The following METTL25 variants were observed in gnomAD, a reference collection of about 807,000 sequenced individuals.
The protein encoded by METTL25 is probable methyltransferase-like protein 25.
A neutral mutation model predicts 71.6 loss-of-function variants in METTL25; 64 were observed. The ratio of observed to expected loss-of-function variants is 0.89; its 90% confidence interval spans 0.73 to 1.10. METTL25 has a LOEUF of 1.10. Ranked by LOEUF, METTL25 falls within the 50% of genes least tolerant of loss-of-function variation. METTL25 has a pLI of 0.00. For missense variants in METTL25, 807 were observed against 707.0 expected (o/e 1.14, Z -1.60); for synonymous variants, 287 against 250.3 (o/e 1.15, Z -1.38).
intron 5 of METTL25, among the ~76,000 whole-genome samples, chr12:82,405,076 T>TC (rs1425999132): frequency 6.6e-6 from 1 of 152,182 alleles, no homozygotes; most frequent in Non-Finnish European, 1.5e-5. Flanking sequence ...CCAAGGGGCC[T>TC]CCCTCTCCTC....
rs115037359 is a variant in METTL25 at position 82,470,801 on chromosome 12, G to A, written c.1573-5843G>A. 3.4e-3 allele frequency among the ~76,000 whole-genome samples: 521 copies of A among 152,234 alleles called. 3 individuals carry two copies. Among genetic ancestry groups the A allele is most frequent in the African/African-American group, 0.012 (503 of 41,536 alleles). On this transcript the variant is annotated intron_variant, in intron 9 of 11. Coordinates refer to ENST00000248306, the MANE Select transcript of METTL25 (RefSeq NM_032230.3). ...TTATTTTTCACAATTCAATTGTGAG[G>A]CTTATTGTAAAGATACCTTCAGTTA...
chr12:82,378,799 G>C (rs938539965), intron 1 of METTL25, among the ~76,000 whole-genome samples: 9 of 152,124 alleles, frequency 5.9e-5, no homozygotes, highest in African/African-American at 1.9e-4. Flanking sequence ...GGGCTGAGGT[G>C]GGGGGATTGC....
rs188778587 is a variant in METTL25, at chr12:82,466,719, G to A, written c.1572+9899G>A. Among the ~76,000 whole-genome samples the A allele has an allele frequency of 1.7e-3, 251 of 152,028 alleles. 1 individual carries two copies. Among genetic ancestry groups the A allele is most frequent in the Admixed American group, 0.014 (212 of 15,246 alleles). ...AAGTCCCCAACTATTACTGGATTGAGGTCCATCTGTCTCTTTAGATCTAAT... is the reference window on the plus strand; with the variant it reads ...AAGTCCCCAACTATTACTGGATTGAAGTCCATCTGTCTCTTTAGATCTAAT... On this transcript the variant is annotated intron_variant, in intron 9 of 11. Coordinates refer to ENST00000248306, the MANE Select transcript of METTL25 (RefSeq NM_032230.3).
chr12:82,472,740 C>T (rs1263155865), intron 9 of METTL25, among the ~76,000 whole-genome samples: 4 of 152,232 alleles, frequency 2.6e-5, no homozygotes, highest in African/African-American at 9.6e-5. Context: ...TTCTGGATTT[C>T]ATTGACTTAT....
intron 3 of METTL25, among the ~76,000 whole-genome samples, chr12:82,394,740 TAAAAC>T (rs1053652730): frequency 3.3e-5 from 5 of 151,948 alleles, no homozygotes; most frequent in African/African-American, 9.7e-5. Context: ...GATGAAAAAT[TAAAAC>T]AAAAGGGAGG....
At position 82,358,811 on chromosome 12, in the gene METTL25, A is replaced by G. The variant is rs1435734365; in HGVS notation, c.246A>G (p.Ala82=). The stretch of plus-strand genomic sequence containing the variant: ...CAGAGACGCGCCCCCTAGTGGAAGC[A>G]GAGTGGGAAGCAGGTGGGTGGTGGG... ...LPSETRPLVE[A]EWEAGMTDFP... is the part of the protein sequence containing the mutation. The change falls in exon 1 of 12, where the codon GCA becomes GCG. Residue 82 remains alanine, a synonymous_variant. Coordinates refer to ENST00000248306, the MANE Select transcript of METTL25 (RefSeq NM_032230.3). 4.4e-6 allele frequency: 7 copies of G among 1,607,810 alleles called. No homozygotes were observed. In the East Asian group the frequency reaches 8.9e-5, roughly 21 times the overall value.
At chr12:82,439,607 C>A (rs1421202079) in intron 8 of METTL25, among the ~76,000 whole-genome samples, 1 of 151,790 alleles carries the variant, frequency 6.6e-6, no homozygotes, top group Non-Finnish European at 1.5e-5. Flanking sequence ...TTACTACATA[C>A]AAGTACCTAC....
intron 9 of METTL25, among the ~76,000 whole-genome samples, chr12:82,461,022 G>A (rs908157928): frequency 6.8e-6 from 1 of 147,962 alleles, no homozygotes. Flanking sequence ...GGGCGCCTGT[G>A]GTCCCAGCTA....
chr12:82,404,035 A>T (rs1295061249), intron 5 of METTL25, among the ~76,000 whole-genome samples: 1 of 152,124 alleles, frequency 6.6e-6, no homozygotes, highest in Non-Finnish European at 1.5e-5. Flanking sequence ...CATGCCCAGG[A>T]GGTAAACATT....
chr12:82,424,335 T>G (rs7976988), intron 5 of METTL25, among the ~76,000 whole-genome samples: 139,772 of 151,710 alleles, frequency 0.92, 64,738 homozygotes, highest in East Asian at 1. Flanking sequence ...GAATTGAACA[T>G]TGAGAACACT....
chr12:82,391,643 GGTTGTTTCC>G (rs564767540), intron 3 of METTL25, among the ~76,000 whole-genome samples: 245 of 150,768 alleles, frequency 1.6e-3, no homozygotes, highest in South Asian at 9.0e-3. Context: ...TGGACACTTA[GGTTGTTTCC>G]GTATTTTGGC....
intron 8 of METTL25, 47 bp from the exon 9 acceptor site, chr12:82,456,680 A>G: frequency 9.2e-7 from 1 of 1,090,778 alleles, no homozygotes; most frequent in South Asian, 1.5e-5. Flanking sequence ...AAACCATCTA[A>G]AATTTACATT....
rs553611024 is a variant in METTL25 at position 82,386,917 on chromosome 12, C to A, written c.374C>A (p.Pro125His). Residue 125 changes from proline to histidine, a missense_variant, in exon 2 of 12, where the codon CCT becomes CAT. Coordinates refer to ENST00000248306, the MANE Select transcript of METTL25 (RefSeq NM_032230.3). ...YSVQNLGICT[P>H]FEQLLVALRG... Reference sequence around the variant, plus strand: ...GTACAAAACTTGGGAATATGTACTCCTTTTGAACAGTTGCTTGTAGCCCTT... The same window carrying A: ...GTACAAAACTTGGGAATATGTACTCATTTTGAACAGTTGCTTGTAGCCCTT... The A allele has an allele frequency of 2.7e-5, 44 of 1,613,410 alleles. No individual in the cohort carries two copies. Among genetic ancestry groups the A allele is most frequent in the Admixed American group, 8.3e-5 (5 of 59,926 alleles).
chr12:82,466,890 A>G (rs1048344608), intron 9 of METTL25, among the ~76,000 whole-genome samples: 6 of 151,872 alleles, frequency 4.0e-5, no homozygotes, highest in Middle Eastern at 3.4e-3. Flanking sequence ...TGCCCAATCT[A>G]CTCCTGCTCA....
chr12:82,437,464 G>A (rs1244736021), intron 7 of METTL25, among the ~76,000 whole-genome samples: 1 of 151,578 alleles, frequency 6.6e-6, no homozygotes, highest in Non-Finnish European at 1.5e-5. Context: ...AGGGGAAGAT[G>A]TAAGGAAAAT....
At chr12:82,399,934 C>T (rs1448741727) in intron 4 of METTL25, among the ~76,000 whole-genome samples, 1 of 122,966 alleles carries the variant, frequency 8.1e-6, no homozygotes, top group Non-Finnish European at 1.7e-5. Context: ...ATCGTTTGGC[C>T]TAACTCATTG....
intron 8 of METTL25, among the ~76,000 whole-genome samples, chr12:82,454,221 CTG>C (rs1177945332): frequency 3.3e-5 from 5 of 152,020 alleles, no homozygotes; most frequent in Admixed American, 2.0e-4. Context: ...GAAAAGTTCT[CTG>C]TGTTAGGAGC....
At chr12:82,421,961 C>G (rs1888547133) in intron 5 of METTL25, among the ~76,000 whole-genome samples, 1 of 152,130 alleles carries the variant, frequency 6.6e-6, no homozygotes, top group African/African-American at 2.4e-5. Flanking sequence ...CGAATTCTAC[C>G]AGAGGTACAA....
intron 8 of METTL25, among the ~76,000 whole-genome samples, chr12:82,454,482 T>G (rs1353025242): frequency 1.3e-5 from 2 of 152,116 alleles, no homozygotes; most frequent in East Asian, 3.9e-4. Flanking sequence ...TTGAGTGATT[T>G]TTTTCCTGTT....
Sources: allele counts gnomAD v4.1 joint callset (sites outside exome capture counted in the v4.1 genomes callset), GRCh38; gene constraint gnomAD v4.1.1; transcripts MANE v1.5; gene names NCBI Gene and HGNC (gene_info 2026-07-23, HGNC 2026-07-21).